Variants in GLS observed in about 807,000 individuals in gnomAD.
GLS encodes glutaminase, also known as glutaminase kidney isoform, mitochondrial.
A neutral mutation model predicts 86.7 loss-of-function variants in GLS; 36 were observed. The ratio of observed to expected loss-of-function variants is 0.42; its 90% CI spans 0.32 to 0.55. The LOEUF (loss-of-function observed/expected upper bound fraction) is 0.55. Among genes scored for constraint, GLS ranks in the 20% least tolerant of loss-of-function variants. GLS has a pLI of 0.17. For missense variants in GLS, 528 were observed against 833.4 expected (o/e 0.63, Z 4.51); for synonymous variants, 317 against 305.9 (o/e 1.04, Z -0.38).
rs1349975994 is a variant in GLS, at chr2:190,943,492, G to A, written c.1651-10073G>A. ...GAAAATCCAGCATAGTGCAATATCA[G>A]CAGTCAAGGAAAGAGTATTTTAAGG... On this transcript the variant is annotated intron_variant, in intron 14 of 17. Coordinates refer to ENST00000320717, the MANE Select transcript of GLS (RefSeq NM_014905.5). This position sits in a 1 kb window ranked among gnomAD's most constrained non-coding sequence, Gnocchi z 4.5. 6.6e-6 allele frequency among the ~76,000 whole-genome samples: 1 copy of A among 152,158 alleles called. No individual in the cohort carries two copies. The highest frequency in any genetic ancestry group is 2.4e-5 in the African/African-American group (1 of 41,428).
At chr2:190,884,914 T>G (rs1183623373) in intron 1 of GLS, among the ~76,000 whole-genome samples, 2 of 152,238 alleles carry the variant, frequency 1.3e-5, no homozygotes, top group African/African-American at 2.4e-5. Flanking sequence ...GTTCAGTTAC[T>G]TTAGGCAGTT....
At chr2:190,934,214 T>C in intron 14 of GLS, 1 of 969,054 alleles carries the variant, frequency 1.0e-6, no homozygotes, top group Non-Finnish European at 1.2e-6. Context: ...ATGGAAAGTC[T>C]GTAAAAGTAA....
At chr2:190,898,028 T>C (rs1354003236) in intron 3 of GLS, among the ~76,000 whole-genome samples, 1 of 152,206 alleles carries the variant, frequency 6.6e-6, no homozygotes, top group African/African-American at 2.4e-5. Flanking sequence ...ATCTTAACAC[T>C]AATACAAGTA....
chr2:190,913,955 A>T lies in GLS; in HGVS notation c.1038+3634A>T, dbSNP rs1689438670. 6.6e-6 allele frequency: 1 copy of T among 152,634 alleles called. No homozygotes were observed. The allele number at this position is 152,634 out of a possible 1,614,324, so 9.5% of individuals were successfully genotyped here. A position where few individuals can be genotyped will look rare whatever the true frequency, so the allele number is the denominator to read the frequency against. On this transcript the variant is annotated intron_variant, in intron 7 of 17. Coordinates refer to ENST00000320717, the MANE Select transcript of GLS (RefSeq NM_014905.5). This position sits in a 1 kb window ranked among gnomAD's most constrained non-coding sequence, Gnocchi z 6.1. ...GCTGAGACCACAGGCACAGGCTACC[A>T]TGCAGGGCTAATTCTTTATAAAGCT...
At chr2:190,896,172 C>G (rs996191373) in intron 3 of GLS, 2 of 152,588 alleles carry the variant, frequency 1.3e-5, no homozygotes, top group East Asian at 3.9e-4. Context: ...ATTGTCTGCT[C>G]CTCTCCTCTC....
chr2:190,931,799 G>A (rs1690112896), intron 14 of GLS, among the ~76,000 whole-genome samples, 162 bp downstream of exon 14: 1 of 151,986 alleles, frequency 6.6e-6, no homozygotes, highest in Non-Finnish European at 1.5e-5. Flanking sequence ...GGGATCACCA[G>A]TATTAAATAC....
At chr2:190,941,068 C>CT (rs778876642) in intron 14 of GLS, among the ~76,000 whole-genome samples, 9 of 152,088 alleles carry the variant, frequency 5.9e-5, no homozygotes, top group Non-Finnish European at 1.3e-4. Context: ...TTATTATTCA[C>CT]TGATAGGTTC....
intron 6 of GLS, among the ~76,000 whole-genome samples, chr2:190,906,763 G>A (rs1162318730): frequency 2.0e-5 from 3 of 151,772 alleles, no homozygotes; most frequent in African/African-American, 7.3e-5. Context: ...AAATTGCAAG[G>A]GTAGATTTTT....
Position 190,881,399 on chromosome 2 carries a change from C to T in GLS, c.315C>T (p.Pro105=), listed in dbSNP as rs1279856822. 6 of 1,542,654 alleles carry T rather than the reference C, an allele frequency of 3.9e-6. No individual in the cohort carries two copies. The highest frequency in any genetic ancestry group is 4.4e-6 in the Non-Finnish European group (5 of 1,144,038). Reference sequence around the variant, plus strand: ...CCGCTGCCCCGGCGGCGCCCGGCCCCAAGGACGGCCCCGGGGAGACGGACG... The same window carrying T: ...CCGCTGCCCCGGCGGCGCCCGGCCCTAAGGACGGCCCCGGGGAGACGGACG... The part of the protein sequence containing the change: ...SPPAAPAAPG[P]KDGPGETDAF... The change falls in exon 1 of 18, where the codon CCC becomes CCT. Residue 105 remains proline (P), a synonymous_variant. Coordinates refer to ENST00000320717, the MANE Select transcript of GLS (RefSeq NM_014905.5).
chr2:190,894,571 C>T (rs1301061435), intron 1 of GLS, among the ~76,000 whole-genome samples: 3 of 152,118 alleles, frequency 2.0e-5, no homozygotes, highest in African/African-American at 7.2e-5. Flanking sequence ...TATTCCCTTT[C>T]TCAGATGAGG....
intron 11 of GLS, among the ~76,000 whole-genome samples, chr2:190,926,653 A>G (rs1689903976): frequency 6.6e-6 from 1 of 152,124 alleles, no homozygotes. Context: ...AAATGCAAAA[A>G]TTTTATCCTA....
intron 6 of GLS, among the ~76,000 whole-genome samples, chr2:190,906,682 A>G (rs2124856858): frequency 6.6e-6 from 1 of 152,338 alleles, no homozygotes; most frequent in Admixed American, 6.5e-5. Context: ...AATTCTGATT[A>G]GAGCCTGTGC....
In GLS at chr2:190,905,085, T is replaced by C. The variant is rs1689086102; in HGVS notation, c.897T>C (p.Asp299=). 3 of 1,601,940 alleles carry C rather than the reference T, an allele frequency of 1.9e-6. No homozygotes were observed. The highest frequency in any genetic ancestry group is 2.7e-5 in the African/African-American group (2 of 74,788). The part of the protein sequence containing the change: ...KPLKYAIAVN[D]LGTEYVHRYV... Reference sequence around the variant, plus strand: ...TGAAATATGCCATTGCTGTTAATGATCTTGGAACTGAATATGTGCATCGAT... The same window carrying C: ...TGAAATATGCCATTGCTGTTAATGACCTTGGAACTGAATATGTGCATCGAT... Residue 299 remains aspartate, a synonymous_variant, in exon 6 of 18, where the codon GAT becomes GAC. Coordinates refer to ENST00000320717, the MANE Select transcript of GLS (RefSeq NM_014905.5). This position sits in a 1 kb window ranked among gnomAD's most constrained non-coding sequence, Gnocchi z 4.6.
rs1009069924 is a variant in GLS, at chr2:190,931,045, G to A, written c.1557+477G>A. Among the ~76,000 whole-genome samples the A allele has an allele frequency of 5.3e-5, 8 of 151,988 alleles. No homozygotes were observed. The South Asian group carries it at 6.2e-4, about 12-fold the overall frequency. ...GCTCTTGATAGTTCTGTATTTTGTT[G>A]TTACCCAGTTCCTGCTAATGTTTGA... On this transcript the variant is annotated intron_variant, in intron 13 of 17. Coordinates refer to ENST00000320717, the MANE Select transcript of GLS (RefSeq NM_014905.5).
chr2:190,880,923 C>T lies in GLS; in HGVS notation c.-162C>T, dbSNP rs1371146895. The T allele has an allele frequency of 1.5e-5, 12 of 802,464 alleles. 2 individuals carry two copies. Among genetic ancestry groups the T allele is most frequent in the African/African-American group, 7.2e-5 (4 of 55,228 alleles). 49.7% of individuals were successfully genotyped at this position (802,464 alleles called of 1,614,324 possible). Reference sequence around the variant, plus strand: ...CAGCAGCAGCAGCAGCAGCAGCACCCGCATCCGCTGCGGGAGTCCGAGCCG... The same window carrying T: ...CAGCAGCAGCAGCAGCAGCAGCACCTGCATCCGCTGCGGGAGTCCGAGCCG... On this transcript the variant is annotated 5_prime_UTR_variant, in exon 1 of 18. Coordinates refer to ENST00000320717, the MANE Select transcript of GLS (RefSeq NM_014905.5).
chr2:190,926,968 G>C (rs1450408804), intron 11 of GLS: 1 of 168,538 alleles, frequency 5.9e-6, no homozygotes, highest in Non-Finnish European at 1.3e-5. Context: ...TGAGTTAAAA[G>C]TAATTATGCT....
intron 7 of GLS, among the ~76,000 whole-genome samples, chr2:190,919,430 G>GT (rs1432197003): frequency 1.3e-5 from 2 of 152,068 alleles, no homozygotes; most frequent in Non-Finnish European, 2.9e-5. Context: ...ACTTGTAAGA[G>GT]TTTTATAGGG....
In GLS at chr2:190,930,065, A is replaced by G. The variant is rs928850544; in HGVS notation, c.1426-372A>G. ...TTTTAATTTTTAAACCAATTTCCCA[A>G]TTGTGTTTTTTTTTTTTTTGAAACT... On this transcript the variant is annotated intron_variant, in intron 12 of 17. Coordinates refer to ENST00000320717, the MANE Select transcript of GLS (RefSeq NM_014905.5). The surrounding 1 kb of genome is among the most constrained non-coding windows in gnomAD (Gnocchi z 5.0). 2.7e-5 allele frequency among the ~76,000 whole-genome samples: 4 copies of G among 150,180 alleles called. No homozygotes were observed. The highest frequency in any genetic ancestry group is 5.9e-5 in the Non-Finnish European group (4 of 67,518).
At position 190,943,168 on chromosome 2, in the gene GLS, C is replaced by G. The variant is rs904004454; in HGVS notation, c.1651-10397C>G. On this transcript the variant is annotated intron_variant, in intron 14 of 17. Coordinates refer to ENST00000320717, the MANE Select transcript of GLS (RefSeq NM_014905.5). The surrounding 1 kb of genome is among the most constrained non-coding windows in gnomAD (Gnocchi z 4.5). ...TGGGTAGTGGATAATGGTTAGACAA[C>G]TATCAGTATGTAGAAGCTAGCTAAT... Among the ~76,000 whole-genome samples the G allele has an allele frequency of 6.6e-6, 1 of 152,124 alleles. No individual in the cohort carries two copies. The highest frequency in any genetic ancestry group is 6.5e-5 in the Admixed American group (1 of 15,272).
Sources: gnomAD v4.1 joint callset for allele counts (sites outside exome capture counted in the v4.1 genomes callset) on GRCh38, gnomAD v4.1.1 for gene constraint, Gnocchi (gnomAD v3.1) non-coding constraint, MANE v1.5 for transcripts, NCBI Gene and HGNC (gene_info 2026-07-23, HGNC 2026-07-21) for gene names.